Variants in TTYH3 observed in about 807,000 individuals in gnomAD.
The protein encoded by TTYH3 is protein tweety homolog 3.
Under a neutral mutation model 68.2 loss-of-function variants are expected in TTYH3, and 23 were observed. The observed-to-expected ratio is 0.34, with a 90% CI of 0.24 to 0.48. The LOEUF (loss-of-function observed/expected upper bound fraction) is 0.48. TTYH3 is among the 20% of genes least tolerant of loss of function. The probability of loss-of-function intolerance (pLI) is 0.99; values close to 1 mark genes in which losing one functional copy is unlikely to be tolerated. For synonymous variants in TTYH3, 360 were observed against 332.8 expected (o/e 1.08, Z -0.89); for missense variants, 768 against 727.7 (o/e 1.06, Z -0.64).
intron 9 of TTYH3, among the ~76,000 whole-genome samples, chr7:2,654,478 TACAC>T (rs10575390): frequency 0.28 from 42,964 of 151,612 alleles, 6,920 homozygotes; most frequent in African/African-American, 0.43. Flanking sequence ...ATAAAAATTA[TACAC>T]ACACACACAC....
intron 1 of TTYH3, among the ~76,000 whole-genome samples, chr7:2,638,319 C>T (rs1384239289): frequency 7.3e-5 from 11 of 151,276 alleles, no homozygotes; most frequent in Non-Finnish European, 1.6e-4. Flanking sequence ...AATAGACACG[C>T]TTGCTGCAGC....
intron 10 of TTYH3, 43 bp downstream of exon 10, chr7:2,656,227 G>T (rs1388407102): frequency 6.4e-7 from 1 of 1,552,324 alleles, no homozygotes; most frequent in South Asian, 1.2e-5. Flanking sequence ...AGCTTGTAGG[G>T]TGGGAACAGG....
intron 11 of TTYH3, among the ~76,000 whole-genome samples, chr7:2,657,577 C>T (rs570519160): frequency 1.3e-5 from 2 of 152,310 alleles, no homozygotes; most frequent in Non-Finnish European, 2.9e-5. Flanking sequence ...GGGCTAGATT[C>T]AGATTCTGTC....
In TTYH3 at chr7:2,645,054, G is replaced by A. The variant is rs1320639555; in HGVS notation, c.124-1799G>A. Among the ~76,000 whole-genome samples the A allele has an allele frequency of 6.6e-6, 1 of 152,214 alleles. No homozygotes were observed. The highest frequency in any genetic ancestry group is 2.4e-5 in the African/African-American group (1 of 41,458). ...GAGAGAGGCGTTTCTCTGCAGTAGT[G>A]CCAATGAGGGCAGCGCAGGTGTGCC... On this transcript the variant is annotated intron_variant, in intron 1 of 13. Transcript: ENST00000258796. This position sits in a 1 kb window ranked among gnomAD's most constrained non-coding sequence, Gnocchi z 4.8.
At position 2,647,138 on chromosome 7, in the gene TTYH3, C is replaced by T; in HGVS notation, c.294-4C>T. On this transcript the variant is annotated splice_polypyrimidine_tract_variant and splice_region_variant and intron_variant, in intron 2 of 13. Coordinates refer to ENST00000258796, the MANE Select transcript of TTYH3 (RefSeq NM_025250.3). ...GCTACATCTCACGGGCCCGCCCTCT[C>T]CAGCGCCGGCATCGCAGTGGGATTC... 1 of 1,597,996 alleles carries T rather than the reference C, an allele frequency of 6.3e-7. No homozygotes were observed. Among genetic ancestry groups the T allele is most frequent in the Non-Finnish European group, 8.5e-7 (1 of 1,174,522 alleles).
intron 13 of TTYH3, chr7:2,660,567 C>T: frequency 1.1e-6 from 1 of 903,362 alleles, no homozygotes; most frequent in Non-Finnish European, 1.3e-6. Context: ...CCCGCCCCGT[C>T]CCGCCCCCAT....
intron 1 of TTYH3, among the ~76,000 whole-genome samples, chr7:2,637,206 G>GA (rs1562706542): frequency 9.8e-3 from 1 of 102 alleles, no homozygotes; most frequent in Non-Finnish European, 0.028. Context: ...CCCCTGGGCA[G>GA]GCCCTGCCAG....
chr7:2,661,769 G>A lies in TTYH3; in HGVS notation c.*30G>A. 2 of 1,597,052 alleles carry A rather than the reference G, an allele frequency of 1.3e-6. No individual in the cohort carries two copies. Among genetic ancestry groups the A allele is most frequent in the Admixed American group, 1.7e-5 (1 of 58,812 alleles). The stretch of plus-strand genomic sequence containing the variant: ...CGCCCGGCAGCCACCCACCCCACGT[G>A]CCAACTTCCCCTCCCCGTGCCAGCA... On this transcript the variant is annotated 3_prime_UTR_variant, in exon 14 of 14. Coordinates refer to ENST00000258796, the MANE Select transcript of TTYH3 (RefSeq NM_025250.3).
chr7:2,659,012 C>T lies in TTYH3; in HGVS notation c.1497C>T (p.Pro499=). 1.2e-6 allele frequency: 2 copies of T among 1,613,884 alleles called. No individual in the cohort carries two copies. The highest frequency in any genetic ancestry group is 1.7e-6 in the Non-Finnish European group (2 of 1,179,874). Residue 499 remains proline (P), a synonymous_variant, in exon 13 of 14, where the codon CCC becomes CCT. Coordinates refer to ENST00000258796, the MANE Select transcript of TTYH3 (RefSeq NM_025250.3). The part of the protein sequence containing the change: ...TPLIGRESPP[P]SYTSSMRAKY... ...TCATTGGGCGCGAGTCCCCGCCGCCCTCAGTAAGTCTTGGGGCAGGAGGGT... is the reference window on the plus strand; with the variant it reads ...TCATTGGGCGCGAGTCCCCGCCGCCTTCAGTAAGTCTTGGGGCAGGAGGGT...
rs1169651494 is a variant in TTYH3 at position 2,646,974 on chromosome 7, A to ACTG, written c.253_255dup (p.Cys85dup). ...AAGAGCGAGGAGCACCTGGACGCCGACTGCTGCTGCACGGCCTGGTGTGTC... is the reference window on the plus strand; with the variant it reads ...AAGAGCGAGGAGCACCTGGACGCCGACTGCTGCTGCTGCACGGCCTGGTGTGTC... On this transcript the variant is annotated inframe_insertion, in exon 2 of 14. Coordinates refer to ENST00000258796, the MANE Select transcript of TTYH3 (RefSeq NM_025250.3). 1.1e-5 allele frequency: 17 copies of ACTG among 1,594,886 alleles called. No homozygotes were observed. The highest frequency in any genetic ancestry group is 8.5e-5 in the Admixed American group (5 of 58,572).
At chr7:2,657,723 C>T (rs928136508) in intron 11 of TTYH3, among the ~76,000 whole-genome samples, 2 of 152,188 alleles carry the variant, frequency 1.3e-5, no homozygotes, top group Non-Finnish European at 2.9e-5. Context: ...TGGCTGGTGG[C>T]CCCTGCGCAG....
chr7:2,660,702 G>A (rs1231483430), intron 13 of TTYH3: 4 of 343,538 alleles, frequency 1.2e-5, no homozygotes, highest in Non-Finnish European at 1.6e-5. Context: ...GAGGGCCCTC[G>A]GGGACCCGGG....
At chr7:2,644,657 G>A (rs1313630513) in intron 1 of TTYH3, among the ~76,000 whole-genome samples, 1 of 152,190 alleles carries the variant, frequency 6.6e-6, no homozygotes, top group African/African-American at 2.4e-5. Flanking sequence ...CTGAAGGAGT[G>A]GGAGGGTGCC....
At chr7:2,650,877 G>C (rs1181894424) in intron 7 of TTYH3, among the ~76,000 whole-genome samples, 1 of 152,048 alleles carries the variant, frequency 6.6e-6, no homozygotes, top group South Asian at 2.1e-4. Flanking sequence ...GGTGGACAGG[G>C]ATGGGCTTTG....
At chr7:2,654,960 AC>A (rs1248232439) in intron 9 of TTYH3, among the ~76,000 whole-genome samples, 1 of 151,788 alleles carries the variant, frequency 6.6e-6, no homozygotes, top group Non-Finnish European at 1.5e-5. Context: ...TCTTATAAGG[AC>A]ACCCGTCCCA....
At chr7:2,643,811 C>CAGTGGGT (rs112707413) in intron 1 of TTYH3, among the ~76,000 whole-genome samples, 1 of 151,960 alleles carries the variant, frequency 6.6e-6, no homozygotes, top group African/African-American at 2.4e-5. Flanking sequence ...GCGGAGGTCA[C>CAGTGGGT]ACCTGTTTAG....
chr7:2,658,569 C>T (rs1032700984), intron 12 of TTYH3, 110 bp downstream of exon 12: 36 of 1,363,898 alleles, frequency 2.6e-5, no homozygotes, highest in East Asian at 5.0e-5. Context: ...GGGCGGCCTC[C>T]GGGCTGGGCA....
chr7:2,656,660 C>A, intron 11 of TTYH3, 126 bp downstream of exon 11: 1 of 1,186,732 alleles, frequency 8.4e-7, no homozygotes, highest in Non-Finnish European at 1.1e-6. Context: ...ACCTCCTCAC[C>A]TCGTGACCCT....
rs370878495 is a variant in TTYH3 at position 2,643,216 on chromosome 7, T to G, written c.124-3637T>G. Among the ~76,000 whole-genome samples the G allele has an allele frequency of 4.8e-4, 69 of 143,580 alleles. No individual in the cohort carries two copies. In the East Asian group the frequency reaches 6.1e-3, roughly 13 times the overall value. 94.2% of individuals were successfully genotyped at this position (143,580 alleles called of 152,430 possible). A position where few individuals can be genotyped will look rare whatever the true frequency, so the allele number is the denominator to read the frequency against. ...TAAAAATACAAAAAATTAGCCAGGC[T>G]TGGTGGCGGGTGCCTGTAGTCCCAG... On this transcript the variant is annotated intron_variant, in intron 1 of 13. Transcript: ENST00000258796.
Sources: gnomAD v4.1 joint callset for allele counts (sites outside exome capture counted in the v4.1 genomes callset) on GRCh38, gnomAD v4.1.1 for gene constraint, Gnocchi (gnomAD v3.1) non-coding constraint, MANE v1.5 for transcripts, NCBI Gene and HGNC (gene_info 2026-07-23, HGNC 2026-07-21) for gene names.